The following KCNK2 variants were observed in gnomAD, a reference collection of about 807,000 sequenced individuals.
The protein encoded by KCNK2 is potassium channel subfamily K member 2.
KCNK2 carries 21 observed loss-of-function variants against 40.5 expected under a neutral mutation model. That is an observed-to-expected ratio of 0.52 (90% confidence interval 0.37 to 0.75). The LOEUF (loss-of-function observed/expected upper bound fraction) is 0.75, where lower values mean the gene tolerates loss of function less well. Ranked by LOEUF, KCNK2 falls within the 30% of genes least tolerant of loss-of-function variation. KCNK2 has a pLI of 0.00. For synonymous variants in KCNK2, 191 were observed against 202.2 expected (o/e 0.94, Z 0.47); for missense variants, 399 against 531.6 (o/e 0.75, Z 2.45).
At chr1:215,020,829 A>ATTC (rs1656762804) in intron 1 of KCNK2, among the ~76,000 whole-genome samples, 1 of 152,190 alleles carries the variant, frequency 6.6e-6, no homozygotes, top group Non-Finnish European at 1.5e-5. Context: ...TTTATGCTAC[A>ATTC]TTCTCGCCAT....
At chr1:215,233,805 A>G (rs1038865135) in intron 6 of KCNK2, among the ~76,000 whole-genome samples, 1 of 152,180 alleles carries the variant, frequency 6.6e-6, no homozygotes, top group Admixed American at 6.5e-5. Flanking sequence ...GACAGTCTAG[A>G]TTATTAAATT....
At chr1:215,169,094 T>A in intron 3 of KCNK2, 105 bp from the exon 4 acceptor site, 1 of 773,092 alleles carries the variant, frequency 1.3e-6, no homozygotes, top group Non-Finnish European at 2.1e-6. Flanking sequence ...CTAGTCAAAA[T>A]CAATTATTGA....
At chr1:215,225,322 C>T (rs186810366) in intron 6 of KCNK2, among the ~76,000 whole-genome samples, 2 of 152,268 alleles carry the variant, frequency 1.3e-5, no homozygotes, top group Admixed American at 6.5e-5. Flanking sequence ...TAAACATTGA[C>T]TTCATACATG....
chr1:215,025,310 A>C (rs565986265), intron 1 of KCNK2, among the ~76,000 whole-genome samples: 7 of 152,224 alleles, frequency 4.6e-5, no homozygotes, highest in Non-Finnish European at 8.8e-5. Context: ...CCAGGTCAGA[A>C]AATATGCATA....
At chr1:215,010,562 T>A (rs1381752095) in intron 1 of KCNK2, among the ~76,000 whole-genome samples, 1 of 152,192 alleles carries the variant, frequency 6.6e-6, no homozygotes, top group Admixed American at 6.5e-5. Flanking sequence ...GCAGCAGAGC[T>A]AATAGAGGTG....
At chr1:215,080,619 C>G (rs1424898804), upstream of KCNK2, among the ~76,000 whole-genome samples, 1 of 152,114 alleles carries the variant, frequency 6.6e-6, no homozygotes, top group Non-Finnish European at 1.5e-5. Context: ...TTATGGTGAA[C>G]AGAGAGATAT....
intron 6 of KCNK2, among the ~76,000 whole-genome samples, chr1:215,214,975 C>A (rs972569808): frequency 6.6e-5 from 10 of 152,142 alleles, no homozygotes; most frequent in African/African-American, 1.9e-4. Context: ...CTTTCTCTGG[C>A]AGTTTTTATC....
intron 5 of KCNK2, among the ~76,000 whole-genome samples, chr1:215,188,007 TAAAATCCAA>T (rs1244775139): frequency 6.6e-6 from 1 of 152,134 alleles, no homozygotes; most frequent in African/African-American, 2.4e-5. Flanking sequence ...AGTTTTCTAA[TAAAATCCAA>T]AAGTTCTAGG....
intron 4 of KCNK2, among the ~76,000 whole-genome samples, chr1:215,171,604 G>A (rs990596684): frequency 2.6e-5 from 4 of 152,060 alleles, no homozygotes; most frequent in African/African-American, 9.7e-5. Flanking sequence ...TCAGTTGTAT[G>A]TATGATTATA....
At chr1:215,218,604 C>T (rs558970616) in intron 6 of KCNK2, among the ~76,000 whole-genome samples, 15 of 152,262 alleles carry the variant, frequency 9.9e-5, no homozygotes, top group African/African-American at 3.6e-4. Flanking sequence ...CATTTTCAGT[C>T]TCTATACCAC....
At chr1:215,066,068 G>A (rs929674772) in intron 1 of KCNK2, among the ~76,000 whole-genome samples, 1 of 152,110 alleles carries the variant, frequency 6.6e-6, no homozygotes, top group African/African-American at 2.4e-5. Flanking sequence ...TGAACAGTGA[G>A]AACACATGGA....
chr1:215,120,526 T>C (rs2102575404), intron 2 of KCNK2, among the ~76,000 whole-genome samples: 1 of 152,288 alleles, frequency 6.6e-6, no homozygotes, highest in Non-Finnish European at 1.5e-5. Context: ...CCTTCCCTGA[T>C]TTTTACTGGA....
intron 2 of KCNK2, among the ~76,000 whole-genome samples, chr1:215,112,067 T>C (rs979543329): frequency 3.9e-5 from 6 of 151,978 alleles, no homozygotes; most frequent in African/African-American, 1.5e-4. Flanking sequence ...GCTGCTCAGC[T>C]CTTCTTTGTT....
intron 6 of KCNK2, among the ~76,000 whole-genome samples, chr1:215,228,463 G>A (rs1666484132): frequency 6.6e-6 from 1 of 152,108 alleles, no homozygotes. Context: ...TTTTTCTTCT[G>A]TAAATCAGAT....
intron 2 of KCNK2, among the ~76,000 whole-genome samples, chr1:215,123,217 T>C (rs1316082629): frequency 9.6e-6 from 1 of 103,932 alleles, no homozygotes; most frequent in Non-Finnish European, 2.4e-5. Flanking sequence ...ATTAAATAAA[T>C]ATGGTAATAA....
Position 215,083,280 on chromosome 1 carries a change from G to T in KCNK2, c.-106G>T, listed in dbSNP as rs1449173935. ...GGAAAATGCCTGCCCGTGCAGCTCG[G>T]AGCGCGCAGCCCGTCTCTGAATAAG... On this transcript the variant is annotated 5_prime_UTR_variant, in exon 1 of 7. Transcript: ENST00000444842. 3.7e-6 allele frequency: 6 copies of T among 1,610,254 alleles called. No individual in the cohort carries two copies. Among genetic ancestry groups the T allele is most frequent in the Non-Finnish European group, 4.2e-6 (5 of 1,178,302 alleles).
At chr1:215,093,001 A>G (rs887085028) in intron 2 of KCNK2, among the ~76,000 whole-genome samples, 2 of 152,182 alleles carry the variant, frequency 1.3e-5, no homozygotes, top group Admixed American at 1.3e-4. Context: ...GGAGATGTTA[A>G]GTAGGAAGCT....
intron 5 of KCNK2, among the ~76,000 whole-genome samples, chr1:215,192,334 AT>A (rs959750228): frequency 2.0e-5 from 3 of 152,190 alleles, no homozygotes; most frequent in South Asian, 2.1e-4. Flanking sequence ...AAGGAAAAGC[AT>A]TTTTTTCCCC....
At chr1:215,049,453 T>G (rs1657905671) in intron 1 of KCNK2, among the ~76,000 whole-genome samples, 1 of 152,180 alleles carries the variant, frequency 6.6e-6, no homozygotes, top group African/African-American at 2.4e-5. Context: ...TGTCTTTTTA[T>G]TCTCTTAACA....
Sources: gnomAD v4.1 joint callset for allele counts (sites outside exome capture counted in the v4.1 genomes callset) on GRCh38, gnomAD v4.1.1 for gene constraint, MANE v1.5 for transcripts, NCBI Gene and HGNC (gene_info 2026-07-23, HGNC 2026-07-21) for gene names.